The following STIM1 variants were observed in gnomAD, a reference collection of about 807,000 sequenced individuals.
The protein encoded by STIM1 is stromal interaction molecule 1.
STIM1 carries 25 observed loss-of-function variants against 74.7 expected under a neutral mutation model. The ratio of observed to expected loss-of-function variants is 0.33; its 90% CI spans 0.24 to 0.47. The LOEUF (loss-of-function observed/expected upper bound fraction) is 0.47, where lower values mean the gene tolerates loss of function less well. Ranked by LOEUF, STIM1 falls within the 20% of genes least tolerant of loss-of-function variation. The pLI is 1.00. For missense variants in STIM1, 728 were observed against 920.8 expected (o/e 0.79, Z 2.71); for synonymous variants, 328 against 348.8 (o/e 0.94, Z 0.66).
chr11:3,941,585 A>ATGTGTGTGTGTGTGTGTG (rs111336047), intron 1 of STIM1, among the ~76,000 whole-genome samples: 1 of 139,578 alleles, frequency 7.2e-6, no homozygotes, highest in African/African-American at 2.7e-5. Context: ...AAGCATATAT[A>ATGTGTGTGTGTGTGTGTG]TGTGTGTGTG....
At chr11:4,041,191 C>T (rs2094144292) in intron 3 of STIM1, among the ~76,000 whole-genome samples, 1 of 152,182 alleles carries the variant, frequency 6.6e-6, no homozygotes, top group South Asian at 2.1e-4. Flanking sequence ...TTTCTCTGTG[C>T]TCCCACATCA....
At chr11:3,883,461 C>T (rs1302878354) in intron 1 of STIM1, among the ~76,000 whole-genome samples, 2 of 152,208 alleles carry the variant, frequency 1.3e-5, no homozygotes, top group African/African-American at 2.4e-5. Context: ...TCAAGCAGTT[C>T]TCCTGCCTCA....
intron 1 of STIM1, among the ~76,000 whole-genome samples, chr11:3,858,732 A>G (rs2090486038): frequency 6.6e-6 from 1 of 152,232 alleles, no homozygotes; most frequent in Admixed American, 6.5e-5. Context: ...ACTACTTTTA[A>G]AAATCAGATT....
rs1449851676 is a variant in STIM1, at chr11:4,083,321, A to T, written c.1297A>T (p.Ile433Phe). 2 of 1,614,094 alleles carry T rather than the reference A, an allele frequency of 1.2e-6. No individual in the cohort carries two copies. The highest frequency in any genetic ancestry group is 1.7e-6 in the Non-Finnish European group (2 of 1,180,040). ...LRERLHRWQQ[I>F]EILCGFQIVN... is the part of the protein sequence containing the mutation. ...GGAGCGCCTGCACCGCTGGCAACAGATCGAGATCCTCTGTGGCTTCCAGAT... is the reference window on the plus strand; with the variant it reads ...GGAGCGCCTGCACCGCTGGCAACAGTTCGAGATCCTCTGTGGCTTCCAGAT... The change falls in exon 10 of 13, where the codon ATC becomes TTC. Residue 433 changes from isoleucine (I) to phenylalanine (F), a missense_variant. Physicochemically the swap from Ile to Phe is conservative, Grantham distance 21. Coordinates refer to ENST00000526596, the MANE Select transcript of STIM1 (RefSeq NM_001382567.1).
At chr11:3,939,081 C>G (rs2092972790) in intron 1 of STIM1, among the ~76,000 whole-genome samples, 1 of 152,110 alleles carries the variant, frequency 6.6e-6, no homozygotes, top group Non-Finnish European at 1.5e-5. Context: ...TAACTGAGCC[C>G]TATATAAAAT....
At chr11:4,020,805 G>A (rs1201657105) in intron 2 of STIM1, among the ~76,000 whole-genome samples, 1 of 151,544 alleles carries the variant, frequency 6.6e-6, no homozygotes, top group East Asian at 1.9e-4. Flanking sequence ...GTCTCCCTAT[G>A]CTGCCCAGGC....
intron 1 of STIM1, among the ~76,000 whole-genome samples, chr11:3,958,823 A>G (rs190468648): frequency 6.8e-4 from 103 of 151,946 alleles, no homozygotes; most frequent in Middle Eastern, 3.4e-3. Flanking sequence ...TACAAAAATT[A>G]GCCAGGCGTG....
intron 1 of STIM1, among the ~76,000 whole-genome samples, chr11:3,866,860 G>C (rs749399511): frequency 7.9e-5 from 12 of 152,032 alleles, no homozygotes; most frequent in Non-Finnish European, 1.2e-4. Flanking sequence ...AAGTAAAAAA[G>C]AAATTAAAAC....
intron 3 of STIM1, among the ~76,000 whole-genome samples, chr11:4,046,250 A>G (rs1046403970): frequency 3.3e-5 from 5 of 151,692 alleles, no homozygotes; most frequent in Admixed American, 3.3e-4. Flanking sequence ...CAGCTCTGTC[A>G]TCCTTCTTTT....
intron 2 of STIM1, chr11:3,999,803 G>C (rs1310493570): frequency 6.6e-6 from 1 of 152,582 alleles, no homozygotes; most frequent in East Asian, 1.9e-4. Context: ...AAGTGCAAGG[G>C]ATCAGGGAGT....
intron 1 of STIM1, among the ~76,000 whole-genome samples, chr11:3,866,616 G>A (rs917116987): frequency 5.3e-5 from 8 of 151,912 alleles, no homozygotes; most frequent in Admixed American, 2.0e-4. Flanking sequence ...TAGTAGAGAC[G>A]GGGTTTCACC....
intron 12 of STIM1, among the ~76,000 whole-genome samples, chr11:4,087,275 T>C (rs548805422): frequency 6.6e-6 from 1 of 152,268 alleles, no homozygotes; most frequent in African/African-American, 2.4e-5. Flanking sequence ...CAATCTTGTC[T>C]GAGAGAGATA....
chr11:3,888,561 A>G (rs2091801250), intron 1 of STIM1, among the ~76,000 whole-genome samples: 1 of 152,006 alleles, frequency 6.6e-6, no homozygotes, highest in Admixed American at 6.6e-5. Flanking sequence ...TTTTTGAGAC[A>G]GAGTCTCCCT....
chr11:4,048,581 T>A (rs2094212377), intron 3 of STIM1, among the ~76,000 whole-genome samples: 1 of 152,158 alleles, frequency 6.6e-6, no homozygotes, highest in South Asian at 2.1e-4. Flanking sequence ...TGATTCATGA[T>A]CTCATTTGAC....
chr11:3,963,640 A>G lies in STIM1; in HGVS notation c.140-3912A>G, dbSNP rs559005365. Among the ~76,000 whole-genome samples, 28 of 152,360 alleles carry G rather than the reference A, an allele frequency of 1.8e-4. 1 individual carries two copies. The highest frequency in any genetic ancestry group is 6.5e-4 in the African/African-American group (27 of 41,584). On this transcript the variant is annotated intron_variant, in intron 1 of 12. Coordinates refer to ENST00000526596, the MANE Select transcript of STIM1 (RefSeq NM_001382567.1). ...AATATTTAGGTATTCATTTTAAAAA[A>G]ACATTTACTGAGCATCTTATCAAGA...
intron 5 of STIM1, among the ~76,000 whole-genome samples, chr11:4,064,871 C>T (rs1319361585): frequency 6.6e-6 from 1 of 152,166 alleles, no homozygotes; most frequent in Non-Finnish European, 1.5e-5. Flanking sequence ...CAAACAGTAC[C>T]AGTTTGCAGA....
At chr11:3,872,095 C>T (rs1431810695) in intron 1 of STIM1, among the ~76,000 whole-genome samples, 2 of 152,136 alleles carry the variant, frequency 1.3e-5, no homozygotes, top group African/African-American at 4.8e-5. Context: ...CTCTGTCGCC[C>T]AGGCTGAAGC....
intron 3 of STIM1, among the ~76,000 whole-genome samples, chr11:4,040,892 C>T (rs182567795): frequency 3.2e-4 from 49 of 152,362 alleles, no homozygotes; most frequent in African/African-American, 1.1e-3. Context: ...GTGAGCCTAT[C>T]ACATGAGGCC....
At chr11:4,000,320 A>C (rs1225932683) in intron 2 of STIM1, among the ~76,000 whole-genome samples, 4 of 150,914 alleles carry the variant, frequency 2.7e-5, no homozygotes, top group African/African-American at 4.9e-5. Context: ...GAGCAGCCTA[A>C]CTGGGAGGCA....
Sources: allele counts gnomAD v4.1 joint callset (sites outside exome capture counted in the v4.1 genomes callset), GRCh38; gene constraint gnomAD v4.1.1; transcripts MANE v1.5; gene names NCBI Gene and HGNC (gene_info 2026-07-23, HGNC 2026-07-21).